Variants in KLHL32 observed in about 807,000 individuals in gnomAD.
The protein encoded by KLHL32 is kelch like family member 32, also known as kelch-like protein 32.
KLHL32 carries 35 observed loss-of-function variants against 64.8 expected under a neutral mutation model. That is an observed-to-expected ratio of 0.54 (90% confidence interval 0.41 to 0.72). The LOEUF (loss-of-function observed/expected upper bound fraction) is 0.72, where lower values mean the gene tolerates loss of function less well. KLHL32 is among the 30% of genes least tolerant of loss of function. The probability of loss-of-function intolerance (pLI) is 0.00; values close to 1 mark genes in which losing one functional copy is unlikely to be tolerated. For missense variants in KLHL32, 589 were observed against 768.5 expected, an observed-to-expected ratio of 0.77 and a Z score of 2.76; for synonymous variants, 259 against 281.0, an observed-to-expected ratio of 0.92 and a Z score of 0.78.
intron 1 of KLHL32, among the ~76,000 whole-genome samples, chr6:96,959,451 A>T (rs1170704045): frequency 6.6e-6 from 1 of 152,164 alleles, no homozygotes; most frequent in African/African-American, 2.4e-5. Context: ...GTTTCTTCTG[A>T]GGCCTCTCTC....
At chr6:97,067,442 T>C (rs1007759739) in intron 5 of KLHL32, among the ~76,000 whole-genome samples, 1 of 152,132 alleles carries the variant, frequency 6.6e-6, no homozygotes, top group African/African-American at 2.4e-5. Context: ...TGCTAATTGA[T>C]GGGGGGGTGC....
intron 3 of KLHL32, among the ~76,000 whole-genome samples, chr6:96,989,171 G>A (rs1180815280): frequency 6.6e-6 from 1 of 152,168 alleles, no homozygotes; most frequent in African/African-American, 2.4e-5. Flanking sequence ...ATGCAGACTT[G>A]ATTGTGTGGT....
At chr6:97,007,927 A>C (rs186187076) in intron 3 of KLHL32, among the ~76,000 whole-genome samples, 15 of 152,262 alleles carry the variant, frequency 9.9e-5, no homozygotes, top group Admixed American at 2.6e-4. Flanking sequence ...AAATTACTTC[A>C]TCAAGGTGTT....
intron 1 of KLHL32, among the ~76,000 whole-genome samples, chr6:96,927,065 G>A (rs141543254): frequency 7.6e-4 from 115 of 152,214 alleles, no homozygotes; most frequent in African/African-American, 2.6e-3. Flanking sequence ...TCAATAAACA[G>A]GTTCAAAAAT....
intron 4 of KLHL32, among the ~76,000 whole-genome samples, chr6:97,044,716 T>A (rs572600857): frequency 3.5e-4 from 53 of 152,182 alleles, no homozygotes; most frequent in Middle Eastern, 6.8e-3. Context: ...TCAGATTTTT[T>A]ATTACTTTTT....
intron 3 of KLHL32, among the ~76,000 whole-genome samples, chr6:96,977,661 C>A (rs1315603862): frequency 1.3e-5 from 2 of 152,086 alleles, no homozygotes; most frequent in Non-Finnish European, 2.9e-5. Context: ...TTGAATATTT[C>A]TAATAATACT....
intron 1 of KLHL32, among the ~76,000 whole-genome samples, chr6:96,953,792 T>A (rs544334575): frequency 2.2e-5 from 2 of 92,580 alleles, no homozygotes; most frequent in African/African-American, 9.1e-5. Flanking sequence ...ATGTTATTTA[T>A]ATAATCAAAC....
intron 5 of KLHL32, among the ~76,000 whole-genome samples, chr6:97,067,381 G>C (rs1582909030): frequency 1.3e-5 from 2 of 152,296 alleles, no homozygotes; most frequent in East Asian, 1.9e-4. Context: ...CCTTCTCACA[G>C]GTTCTCAAAG....
intron 1 of KLHL32, among the ~76,000 whole-genome samples, chr6:96,955,470 A>C (rs1174878946): frequency 6.6e-6 from 1 of 151,882 alleles, no homozygotes; most frequent in African/African-American, 2.4e-5. Context: ...TCTTTACTAT[A>C]GTTTCAGTGA....
intron 7 of KLHL32, among the ~76,000 whole-genome samples, chr6:97,117,933 T>G (rs1797971119): frequency 6.6e-6 from 1 of 152,202 alleles, no homozygotes; most frequent in Admixed American, 6.5e-5. Context: ...GTTATTGCAT[T>G]TACTCAAAAG....
rs541274155 is a variant in KLHL32 at position 97,024,381 on chromosome 6, T to C, written c.205-17111T>C. On this transcript the variant is annotated intron_variant, in intron 3 of 10. Coordinates refer to ENST00000369261, the MANE Select transcript of KLHL32 (RefSeq NM_052904.4). ...ACAGGACCTTGTGAACATGAAGAAG[T>C]ATGTGGGTTTTTGTTGTTGCTTTTT... Among the ~76,000 whole-genome samples the C allele has an allele frequency of 7.3e-5, 11 of 150,716 alleles. No homozygotes were observed. The South Asian group carries it at 1.9e-3, about 26-fold the overall frequency.
chr6:96,940,252 T>C (rs1771122651), intron 1 of KLHL32, among the ~76,000 whole-genome samples: 1 of 152,176 alleles, frequency 6.6e-6, no homozygotes, highest in African/African-American at 2.4e-5. Context: ...ACCCATAATA[T>C]GATTTTTGAT....
intron 3 of KLHL32, among the ~76,000 whole-genome samples, chr6:96,996,827 G>T (rs1455640208): frequency 1.3e-5 from 2 of 152,058 alleles, no homozygotes; most frequent in Non-Finnish European, 2.9e-5. Context: ...TGTAAGATGG[G>T]TATTACTGTC....
At chr6:97,055,649 T>G (rs1787671881) in intron 4 of KLHL32, among the ~76,000 whole-genome samples, 1 of 151,834 alleles carries the variant, frequency 6.6e-6, no homozygotes, top group Non-Finnish European at 1.5e-5. Context: ...AATACAAAAA[T>G]TAACCAGGTG....
chr6:97,060,042 A>G (rs914895573), intron 4 of KLHL32, among the ~76,000 whole-genome samples: 4 of 152,252 alleles, frequency 2.6e-5, no homozygotes, highest in Admixed American at 2.6e-4. Context: ...TCATGTGCAC[A>G]CATGGTATGT....
intron 1 of KLHL32, among the ~76,000 whole-genome samples, chr6:96,935,550 A>G (rs544531402): frequency 2.7e-4 from 41 of 152,258 alleles, no homozygotes; most frequent in South Asian, 8.3e-4. Context: ...TCTATCATCA[A>G]TTGATTTTGA....
In KLHL32 at chr6:97,134,872, G is replaced by A. The variant is rs112050672; in HGVS notation, c.1701+2125G>A. ...TAGAAACTTAAATAAAAAAAACTTC[G>A]TAGTCGCATCATTTGTTTTTTGTCA... On this transcript the variant is annotated intron_variant, in intron 10 of 10. Transcript: ENST00000369261. Among the ~76,000 whole-genome samples the A allele has an allele frequency of 6.3e-3, 951 of 152,160 alleles. 9 individuals are homozygous for A. The highest frequency in any genetic ancestry group is 0.021 in the African/African-American group (879 of 41,520).
chr6:96,981,013 G>T (rs986872680), intron 3 of KLHL32, among the ~76,000 whole-genome samples: 1 of 150,588 alleles, frequency 6.6e-6, no homozygotes, highest in Admixed American at 6.6e-5. Context: ...GGGGCGGGGG[G>T]GCAGGCGGGG....
At chr6:97,010,314 G>A (rs1780230932) in intron 3 of KLHL32, 1 of 152,186 alleles carries the variant, frequency 6.6e-6, no homozygotes, top group African/African-American at 2.4e-5. Context: ...GGTAGGGCTG[G>A]TGGAGCAGGG....
Sources: allele counts gnomAD v4.1 joint callset (sites outside exome capture counted in the v4.1 genomes callset), GRCh38; gene constraint gnomAD v4.1.1; transcripts MANE v1.5; gene names NCBI Gene and HGNC (gene_info 2026-07-23, HGNC 2026-07-21).